Variants in NOP53 observed in about 807,000 individuals in gnomAD.
NOP53 encodes ribosome biogenesis protein NOP53.
In NOP53, 40 loss-of-function variants were observed where a neutral mutation model predicts 61.0. The observed-to-expected ratio is 0.66, with a 90% CI of 0.51 to 0.85. NOP53 has a LOEUF of 0.85. Ranked by LOEUF, NOP53 falls within the 40% of genes least tolerant of loss-of-function variation. NOP53 has a pLI of 0.00. For synonymous variants in NOP53, 308 were observed against 289.5 expected (o/e 1.06, Z -0.65); for missense variants, 689 against 652.9 (o/e 1.06, Z -0.60).
intron 6 of NOP53, chr19:47,753,568 A>G (rs961765393): frequency 1.3e-5 from 2 of 152,130 alleles, no homozygotes; most frequent in African/African-American, 2.4e-5. Flanking sequence ...TAAGAAGGAG[A>G]TAGCTAGCCA....
chr19:47,750,018 C>G, intron 2 of NOP53, among the ~76,000 whole-genome samples, 160 bp from the exon 3 acceptor site: 1 of 152,158 alleles, frequency 6.6e-6, no homozygotes, highest in East Asian at 1.9e-4. Context: ...GGGCCCCATC[C>G]TTAGGGGCCT....
rs769755584 is a variant in NOP53, at chr19:47,754,377, TG to T, written c.766-147del. Reference sequence around the variant, plus strand: ...AGGTGCCCTCTGGCTCTGTGCAGGGTGGGTGTGCTGGTAGACGGGGTGTGGG... The same window carrying T: ...AGGTGCCCTCTGGCTCTGTGCAGGGTGGTGTGCTGGTAGACGGGGTGTGGG... On this transcript the variant is annotated intron_variant, in intron 6 of 12. Transcript: ENST00000246802. The surrounding 1 kb of genome is among the most constrained non-coding windows in gnomAD (Gnocchi z 4.2). 4.1e-4 allele frequency: 272 copies of T among 656,206 alleles called. No individual in the cohort carries two copies. The highest frequency in any genetic ancestry group is 6.6e-4 in the Non-Finnish European group (237 of 360,424). 40.6% of individuals were successfully genotyped at this position (656,206 alleles called of 1,614,324 possible). A position where few individuals can be genotyped will look rare whatever the true frequency, so the allele number is the denominator to read the frequency against.
At position 47,750,220 on chromosome 19, in the gene NOP53, T is replaced by A. The variant is rs746705150; in HGVS notation, c.332T>A (p.Leu111His). ...ACCAAAGTCCAGAAGAAGTCACTGC[T>A]TCTCAAGAAACCCCTTCGGGTTGAC... ...KRTKVQKKSL[L>H]LKKPLRVDLI... Residue 111 changes from leucine to histidine, a missense_variant, in exon 3 of 13, where the codon CTT becomes CAT. Physicochemically the swap from Leu to His is moderately conservative, Grantham distance 99. Coordinates refer to ENST00000246802, the MANE Select transcript of NOP53 (RefSeq NM_015710.5). 1 of 1,613,354 alleles carries A rather than the reference T, an allele frequency of 6.2e-7. No individual in the cohort carries two copies. The highest frequency in any genetic ancestry group is 8.5e-7 in the Non-Finnish European group (1 of 1,179,314).
chr19:47,748,939 A>T (rs1172547476), intron 2 of NOP53, among the ~76,000 whole-genome samples: 3 of 152,110 alleles, frequency 2.0e-5, no homozygotes, highest in Non-Finnish European at 4.4e-5. Context: ...ATGCGGGTGG[A>T]TCACCTGAGG....
chr19:47,746,638 A>C (rs1481417679), intron 1 of NOP53: 1 of 218,774 alleles, frequency 4.6e-6, no homozygotes, highest in East Asian at 1.3e-4. Context: ...AGGTGCTAAG[A>C]TTACAGGTGT....
intron 4 of NOP53, 92 bp from the exon 5 acceptor site, chr19:47,751,428 A>G: frequency 1.0e-6 from 1 of 973,380 alleles, no homozygotes; most frequent in Non-Finnish European, 1.6e-6. Context: ...CTTCAGGGTC[A>G]CCTTTTTGAA....
chr19:47,756,346 G>A (rs991760648), intron 10 of NOP53, 182 bp from the exon 11 acceptor site: 1 of 600,788 alleles, frequency 1.7e-6, no homozygotes, highest in Non-Finnish European at 3.0e-6. Context: ...GATGGCCATA[G>A]GTTGGTGGCT....
chr19:47,752,656 G>A (rs1304383881), intron 6 of NOP53, 49 bp downstream of exon 6: 1 of 1,161,366 alleles, frequency 8.6e-7, no homozygotes, highest in East Asian at 2.3e-5. Flanking sequence ...CTGCCTCTTG[G>A]TCAGGCCTTC....
chr19:47,756,663 G>A (rs1436701388), intron 11 of NOP53, 25 bp from the exon 12 acceptor site: 1 of 1,613,932 alleles, frequency 6.2e-7, no homozygotes, highest in South Asian at 1.1e-5. Flanking sequence ...CCCGGGCACT[G>A]ATTGCTCCAT....
chr19:47,750,924 G>T lies in NOP53; in HGVS notation c.415G>T (p.Val139Phe). The T allele has an allele frequency of 1.3e-6, 2 of 1,592,956 alleles. No individual in the cohort carries two copies. Among genetic ancestry groups the T allele is most frequent in the Non-Finnish European group, 1.7e-6 (2 of 1,171,352 alleles). ...PAPKDVLAHQ[V>F]PNAKKLRRKE... ...CCCGACCAGCGTCCTCGCCCACCAG[G>T]TCCCCAACGCCAAGAAGCTCAGGCG... Residue 139 changes from valine (V) to phenylalanine (F), a missense_variant, in exon 4 of 13, where the codon GTC becomes TTC. By Grantham distance (50) the Val-to-Phe change is conservative. Transcript: ENST00000246802.
chr19:47,748,446 C>T (rs980167970), intron 2 of NOP53, among the ~76,000 whole-genome samples: 7 of 151,956 alleles, frequency 4.6e-5, no homozygotes, highest in East Asian at 1.9e-4. Flanking sequence ...TGGAAGCAAG[C>T]GAAGGGGTCT....
At position 47,755,541 on chromosome 19, in the gene NOP53, G is replaced by C. The variant is rs777448858; in HGVS notation, c.1229+18G>C. The C allele has an allele frequency of 6.8e-7, 1 of 1,463,126 alleles. No homozygotes were observed. 90.6% of individuals were successfully genotyped at this position (1,463,126 alleles called of 1,614,324 possible). On this transcript the variant is annotated intron_variant, in intron 9 of 12. Coordinates refer to ENST00000246802, the MANE Select transcript of NOP53 (RefSeq NM_015710.5). ...CGGCTCAAGTGAGAACCAGGCCGGGGGTTCTGGGAGAGGCTGGGGAGGGGG... is the reference window on the plus strand; with the variant it reads ...CGGCTCAAGTGAGAACCAGGCCGGGCGTTCTGGGAGAGGCTGGGGAGGGGG...
rs142144226 is a variant in NOP53, at chr19:47,757,038, T to TA, written c.*39dup. 0.073 allele frequency: 117,317 copies of TA among 1,612,326 alleles called. 4,765 individuals carry two copies. Among genetic ancestry groups the TA allele is most frequent in the Middle Eastern group, 0.096 (584 of 6,056 alleles). ...CAGATGCCGGAGACTCGCCCTTCAA[T>TA]AAAAAATCTCTTCTAGCTGATCAGT... On this transcript the variant is annotated 3_prime_UTR_variant, in exon 13 of 13. Transcript: ENST00000246802.
rs768814462 is a variant in NOP53 at position 47,754,788 on chromosome 19, C to T, written c.950C>T (p.Pro317Leu). 99 of 1,528,048 alleles carry T rather than the reference C, an allele frequency of 6.5e-5. 2 individuals are homozygous for T. Among genetic ancestry groups the T allele is most frequent in the South Asian group, 6.0e-4 (49 of 81,826 alleles). The allele number at this position is 1,528,048 out of a possible 1,614,324, so 94.7% of individuals were successfully genotyped here. The part of the protein sequence containing the change: ...GEGEPGQGEG[P>L]EAGDAEVCPT... ...GGGGAGCCAGGCCAGGGCGAGGGGC[C>T]GGAGGCTGGGGATGCCGAGGTCTGT... is the stretch of plus-strand genomic sequence containing the variant. Residue 317 changes from proline (P) to leucine (L), a missense_variant, in exon 8 of 13, where the codon CCG (proline) becomes CTG (leucine). Coordinates refer to ENST00000246802, the MANE Select transcript of NOP53 (RefSeq NM_015710.5). This position sits in a 1 kb window ranked among gnomAD's most constrained non-coding sequence, Gnocchi z 4.2.
chr19:47,755,799 A>G lies in NOP53; in HGVS notation c.1273A>G (p.Thr425Ala), dbSNP rs774742805. 1 of 1,610,266 alleles carries G rather than the reference A, an allele frequency of 6.2e-7. No homozygotes were observed. Among genetic ancestry groups the G allele is most frequent in the Non-Finnish European group, 8.5e-7 (1 of 1,178,584 alleles). ...CGACGTGCAGCTGAGCTCGGAGCTGACAGACTCGCTCAGGACCCTGAAGGT... is the reference window on the plus strand; with the variant it reads ...CGACGTGCAGCTGAGCTCGGAGCTGGCAGACTCGCTCAGGACCCTGAAGGT... ...DIDVQLSSEL[T>A]DSLRTLKPEG... Residue 425 changes from threonine to alanine, a missense_variant, in exon 10 of 13, where the codon ACA becomes GCA. Physicochemically the swap from Thr to Ala is moderately conservative, Grantham distance 58. Transcript: ENST00000246802.
chr19:47,746,088 T>G, intron 1 of NOP53: 1 of 429,888 alleles, frequency 2.3e-6, no homozygotes, highest in Admixed American at 4.1e-5. Context: ...TAGCTTGCTG[T>G]TTTCTAAATA....
Position 47,755,841 on chromosome 19 carries a change from C to T in NOP53, c.1296+19C>T, listed in dbSNP as rs368228515. On this transcript the variant is annotated intron_variant, in intron 10 of 12. Transcript: ENST00000246802. ...CCTGAAGGTGCTCACTGTGTCCTGC[C>T]GTGGAGCCCCGTGCCCAGTGATGAC... 7.5e-5 allele frequency: 119 copies of T among 1,586,898 alleles called. 1 individual carries two copies. The highest frequency in any genetic ancestry group is 6.9e-4 in the South Asian group (61 of 88,786).
chr19:47,756,926 C>T, intron 12 of NOP53, 73 bp from the exon 13 acceptor site: 1 of 1,590,330 alleles, frequency 6.3e-7, no homozygotes, highest in Non-Finnish European at 8.6e-7. Flanking sequence ...AACTGAAAGG[C>T]AGGGGGTGTC....
At position 47,751,101 on chromosome 19, in the gene NOP53, T is replaced by A; in HGVS notation, c.592T>A (p.Ser198Thr). 6.2e-7 allele frequency: 1 copy of A among 1,604,734 alleles called. No homozygotes were observed. Among genetic ancestry groups the A allele is most frequent in the Non-Finnish European group, 8.5e-7 (1 of 1,176,302 alleles). ...VERPFYDLWA[S>T]DNPLDRPLVG... ...GCGGCCCTTCTACGACCTCTGGGCC[T>A]CAGACAGTGAGTGATCCTGCTGTCA... The change falls in exon 4 of 13, where the codon TCA becomes ACA. Residue 198 changes from serine to threonine, a missense_variant. Coordinates refer to ENST00000246802, the MANE Select transcript of NOP53 (RefSeq NM_015710.5).
Sources: allele counts gnomAD v4.1 joint callset (sites outside exome capture counted in the v4.1 genomes callset), GRCh38; gene constraint gnomAD v4.1.1; non-coding constraint Gnocchi (gnomAD v3.1); transcripts MANE v1.5; gene names NCBI Gene and HGNC (gene_info 2026-07-23, HGNC 2026-07-21).